TFDP1: variants seen among roughly 807,000 people sequenced by gnomAD.
The protein encoded by TFDP1 is DRTF1-polypeptide 1.
A neutral mutation model predicts 48.0 loss-of-function variants in TFDP1; 6 were observed. The observed-to-expected ratio is 0.13, with a 90% confidence interval of 0.07 to 0.25. TFDP1 has a LOEUF of 0.25. Among genes scored for constraint, TFDP1 ranks in the 10% least tolerant of loss-of-function variants. TFDP1 has a pLI of 1.00. For synonymous variants in TFDP1, 201 were observed against 211.6 expected, an observed-to-expected ratio of 0.95 and a Z score of 0.44; for missense variants, 335 against 543.0, an observed-to-expected ratio of 0.62 and a Z score of 3.81.
chr13:113,638,233 A>G (rs1438672056), intron 11 of TFDP1, among the ~76,000 whole-genome samples: 1 of 152,158 alleles, frequency 6.6e-6, no homozygotes, highest in Non-Finnish European at 1.5e-5. Context: ...CCCATTTTTC[A>G]GAACGCGTCT....
At chr13:113,614,643 T>A (rs554546630) in intron 3 of TFDP1, among the ~76,000 whole-genome samples, 17 of 152,296 alleles carry the variant, frequency 1.1e-4, no homozygotes, top group African/African-American at 3.4e-4. Context: ...TCCTCCCAGC[T>A]CCACTCCACG....
intron 2 of TFDP1, among the ~76,000 whole-genome samples, chr13:113,604,636 C>T (rs1328114995): frequency 2.3e-4 from 9 of 38,912 alleles, no homozygotes; most frequent in Admixed American, 3.4e-4. Flanking sequence ...GAGCACTGAG[C>T]GGACAGACCT....
At chr13:113,588,091 C>G in intron 2 of TFDP1, among the ~76,000 whole-genome samples, 1 of 152,134 alleles carries the variant, frequency 6.6e-6, no homozygotes, top group South Asian at 2.1e-4. Context: ...CTCAGGGGAT[C>G]CACCCACCTC....
At chr13:113,615,853 A>G (rs2048844122) in intron 3 of TFDP1, among the ~76,000 whole-genome samples, 1 of 152,112 alleles carries the variant, frequency 6.6e-6, no homozygotes, top group Non-Finnish European at 1.5e-5. Flanking sequence ...TCGAGGCTGC[A>G]GTGAGTTGTG....
intron 3 of TFDP1, among the ~76,000 whole-genome samples, chr13:113,618,885 TATA>T (rs1398578170): frequency 3.3e-5 from 5 of 152,218 alleles, no homozygotes; most frequent in Non-Finnish European, 7.3e-5. Context: ...ATGCGAGCCA[TATA>T]ATATTTGTCT....
intron 5 of TFDP1, 43 bp downstream of exon 5, chr13:113,631,787 G>A: frequency 6.2e-7 from 1 of 1,606,888 alleles, no homozygotes; most frequent in Non-Finnish European, 8.5e-7. Flanking sequence ...AGGACTGCTT[G>A]CGGTTCGCAC....
chr13:113,587,970 C>T (rs529814339), intron 2 of TFDP1, among the ~76,000 whole-genome samples: 1 of 152,272 alleles, frequency 6.6e-6, no homozygotes, highest in Non-Finnish European at 1.5e-5. Context: ...AGTTCTTCTC[C>T]TCAGCCTCCC....
chr13:113,619,483 A>G (rs1181801215), intron 3 of TFDP1, among the ~76,000 whole-genome samples: 2 of 145,096 alleles, frequency 1.4e-5, no homozygotes, highest in East Asian at 2.0e-4. Context: ...AAAAAAAACA[A>G]AAAAAAAAAA....
At chr13:113,595,142 G>A (rs75177993) in intron 2 of TFDP1, among the ~76,000 whole-genome samples, 3,635 of 152,204 alleles carry the variant, frequency 0.024, 153 homozygotes, top group African/African-American at 0.081. Context: ...GTCAGTTACT[G>A]AAAAAGTGGG....
intron 3 of TFDP1, among the ~76,000 whole-genome samples, chr13:113,613,876 T>C (rs2048781722): frequency 6.6e-6 from 1 of 151,422 alleles, no homozygotes; most frequent in Admixed American, 6.6e-5. Flanking sequence ...ATGAGTTGTG[T>C]GAGTGGATGT....
chr13:113,625,772 C>T (rs1205863528), intron 4 of TFDP1, among the ~76,000 whole-genome samples: 1 of 130,354 alleles, frequency 7.7e-6, no homozygotes, highest in Non-Finnish European at 1.6e-5. Flanking sequence ...CCTCAGGCGT[C>T]TCTCACGTGT....
At chr13:113,595,688 G>T (rs1334655952) in intron 2 of TFDP1, among the ~76,000 whole-genome samples, 2 of 152,254 alleles carry the variant, frequency 1.3e-5, no homozygotes, top group Non-Finnish European at 1.5e-5. Flanking sequence ...GCATGTCTGT[G>T]AGTGCAGATG....
At chr13:113,589,005 G>A (rs2048075816) in intron 2 of TFDP1, among the ~76,000 whole-genome samples, 1 of 151,090 alleles carries the variant, frequency 6.6e-6, no homozygotes, top group South Asian at 2.1e-4. Context: ...GTAGACTGGA[G>A]GAGAGTGAGT....
intron 2 of TFDP1, 138 bp downstream of exon 2, chr13:113,585,987 G>A (rs1274493878): frequency 3.0e-6 from 3 of 995,570 alleles, no homozygotes; most frequent in Non-Finnish European, 4.5e-6. Flanking sequence ...GTCTGAAGCG[G>A]GATGAAGGTG....
chr13:113,636,709 T>G lies in TFDP1; in HGVS notation c.1006+9T>G. On this transcript the variant is annotated intron_variant, in intron 10 of 11. Transcript: ENST00000375370. ...GGAGCCATACGTGACAGGTCAGCAA[T>G]GCCCAGACAACCTGGCGTGGCTGTG... 1 of 1,611,466 alleles carries G rather than the reference T, an allele frequency of 6.2e-7. No individual in the cohort carries two copies. The highest frequency in any genetic ancestry group is 8.5e-7 in the Non-Finnish European group (1 of 1,178,134).
At chr13:113,592,696 A>T (rs558101832) in intron 2 of TFDP1, among the ~76,000 whole-genome samples, 2 of 152,258 alleles carry the variant, frequency 1.3e-5, no homozygotes, top group South Asian at 4.1e-4. Context: ...GTCAGCCCAG[A>T]ATCCAGCATT....
At chr13:113,617,928 A>T (rs1383064824) in intron 3 of TFDP1, among the ~76,000 whole-genome samples, 1 of 152,236 alleles carries the variant, frequency 6.6e-6, no homozygotes, top group Non-Finnish European at 1.5e-5. Context: ...TTTTCTGTTA[A>T]TGGATTATAG....
At chr13:113,635,934 C>T (rs757390447) in intron 8 of TFDP1, 43 bp from the exon 9 acceptor site, 4 of 1,595,620 alleles carry the variant, frequency 2.5e-6, no homozygotes, top group African/African-American at 1.3e-5. Flanking sequence ...GGGCTGCGTT[C>T]TTGTGCCGCC....
At chr13:113,609,865 G>T (rs961557795) in intron 2 of TFDP1, among the ~76,000 whole-genome samples, 1 of 152,200 alleles carries the variant, frequency 6.6e-6, no homozygotes, top group Non-Finnish European at 1.5e-5. Flanking sequence ...ATGCTGCCGT[G>T]TGTGTGCTCA....
Sources: allele counts gnomAD v4.1 joint callset (sites outside exome capture counted in the v4.1 genomes callset), GRCh38; gene constraint gnomAD v4.1.1; transcripts MANE v1.5; gene names NCBI Gene and HGNC (gene_info 2026-07-23, HGNC 2026-07-21).